The following FILIP1L variants were observed in gnomAD, a reference collection of about 807,000 sequenced individuals.
FILIP1L encodes the protein filamin A-interacting protein 1-like.
FILIP1L carries 55 observed loss-of-function variants against 96.6 expected under a neutral mutation model. The observed-to-expected ratio is 0.57, with a 90% confidence interval of 0.46 to 0.71. The LOEUF is 0.71. Ranked by LOEUF, FILIP1L falls within the 30% of genes least tolerant of loss-of-function variation. The pLI is 0.00. For synonymous variants in FILIP1L, 467 were observed against 473.9 expected, an observed-to-expected ratio of 0.99 and a Z score of 0.19; for missense variants, 1,304 against 1,321.2, an observed-to-expected ratio of 0.99 and a Z score of 0.20.
At chr3:99,847,104 C>T (rs539028903) in intron 5 of FILIP1L, among the ~76,000 whole-genome samples, 2 of 152,180 alleles carry the variant, frequency 1.3e-5, no homozygotes, top group African/African-American at 4.8e-5. Context: ...GAAATTCACA[C>T]TATATTACTT....
chr3:99,989,205 C>T (rs1709441568), intron 1 of FILIP1L, among the ~76,000 whole-genome samples: 1 of 152,112 alleles, frequency 6.6e-6, no homozygotes, highest in Non-Finnish European at 1.5e-5. Flanking sequence ...TTTAGTGAGG[C>T]TTATGACTCC....
Position 99,965,075 on chromosome 3 carries a change from G to T in FILIP1L, c.-10-34045C>A, listed in dbSNP as rs1435981489. ...ATAAAGTTTTAAAGGAAATTTACAA[G>T]TGTTATTTTCTAGTAATTACCTTGA... On this transcript the variant is annotated intron_variant, in intron 1 of 5. Coordinates refer to ENST00000477258, the MANE Select transcript of FILIP1L (RefSeq NM_001387850.1). Among the ~76,000 whole-genome samples, 3 of 152,134 alleles carry T rather than the reference G, an allele frequency of 2.0e-5. No homozygotes were observed. In the East Asian group the frequency reaches 5.8e-4, roughly 29 times the overall value.
At chr3:99,909,947 C>T (rs1706741485) in intron 4 of FILIP1L, among the ~76,000 whole-genome samples, 1 of 83,308 alleles carries the variant, frequency 1.2e-5, no homozygotes. Flanking sequence ...GTCATCTGAC[C>T]AAAATGAGTG....
intron 4 of FILIP1L, among the ~76,000 whole-genome samples, chr3:99,904,315 T>A (rs1460645949): frequency 1.3e-5 from 2 of 152,228 alleles, no homozygotes; most frequent in African/African-American, 4.8e-5. Flanking sequence ...GATCTTTCAG[T>A]AGGGAGAGAA....
rs553912978 is a variant in FILIP1L, at chr3:99,996,598, G to GA, written c.-10-65569dup. Among the ~76,000 whole-genome samples, 707 of 152,264 alleles carry GA rather than the reference G, an allele frequency of 4.6e-3. 2 individuals carry two copies. Among genetic ancestry groups the GA allele is most frequent in the South Asian group, 7.1e-3 (34 of 4,820 alleles). On this transcript the variant is annotated intron_variant, in intron 1 of 5. Coordinates refer to ENST00000477258, the MANE Select transcript of FILIP1L (RefSeq NM_001387850.1). ...ATAAAGACATACCCAAGACTGGGAA[G>GA]AAAAAGAGGTTTAATTGGACTTACA...
intron 1 of FILIP1L, among the ~76,000 whole-genome samples, chr3:99,956,741 A>G (rs1377772740): frequency 1.3e-5 from 2 of 152,022 alleles, no homozygotes; most frequent in East Asian, 3.9e-4. Context: ...CTTTCTCACT[A>G]TTGGTTCTTT....
chr3:100,090,901 T>C (rs2066092018), intron 1 of FILIP1L, among the ~76,000 whole-genome samples: 1 of 152,148 alleles, frequency 6.6e-6, no homozygotes, highest in African/African-American at 2.4e-5. Context: ...TTAAGAAAAC[T>C]TGAAATGAGT....
chr3:100,104,624 A>G (rs1197358162), intron 1 of FILIP1L, among the ~76,000 whole-genome samples: 1 of 152,216 alleles, frequency 6.6e-6, no homozygotes, highest in African/African-American at 2.4e-5. Flanking sequence ...TTGCATGCCC[A>G]GGAATCTAAA....
At chr3:99,984,606 C>T (rs960170041) in intron 1 of FILIP1L, among the ~76,000 whole-genome samples, 8 of 152,176 alleles carry the variant, frequency 5.3e-5, no homozygotes, top group Non-Finnish European at 1.0e-4. Flanking sequence ...CCAAAATTTC[C>T]CCCTTCAAGT....
At chr3:100,047,490 T>C (rs1428662084) in intron 1 of FILIP1L, among the ~76,000 whole-genome samples, 3 of 152,230 alleles carry the variant, frequency 2.0e-5, no homozygotes, top group Non-Finnish European at 4.4e-5. Flanking sequence ...ACCATTATTA[T>C]TCATAACCTC....
At chr3:99,895,563 A>G (rs1028475666) in intron 4 of FILIP1L, among the ~76,000 whole-genome samples, 3 of 152,188 alleles carry the variant, frequency 2.0e-5, no homozygotes, top group African/African-American at 4.8e-5. Context: ...TTAGTTCACA[A>G]TAGCATAACT....
intron 1 of FILIP1L, among the ~76,000 whole-genome samples, chr3:100,017,564 C>G (rs1710380718): frequency 6.6e-6 from 1 of 152,184 alleles, no homozygotes; most frequent in Admixed American, 6.5e-5. Flanking sequence ...CTGTCAGCAA[C>G]ATGTATCCTG....
chr3:100,052,642 G>A (rs967382242), intron 1 of FILIP1L, among the ~76,000 whole-genome samples: 3 of 152,200 alleles, frequency 2.0e-5, no homozygotes, highest in African/African-American at 7.2e-5. Flanking sequence ...TATTAACACT[G>A]AGAATCCATG....
In FILIP1L at chr3:100,040,130, A is replaced by T. The variant is rs577810870; in HGVS notation, c.-11+73923T>A. The T allele has an allele frequency of 2.5e-3, 375 of 151,392 alleles. 4 individuals are homozygous for T. The highest frequency in any genetic ancestry group is 8.6e-3 in the African/African-American group (356 of 41,278). 9.4% of individuals were successfully genotyped at this position (151,392 alleles called of 1,614,324 possible). Reference sequence around the variant, plus strand: ...ATGAATCAATCCAAGCTGTCTGAATATTTTTTTTTCTTCCTGCACCCACAA... The same window carrying T: ...ATGAATCAATCCAAGCTGTCTGAATTTTTTTTTTTCTTCCTGCACCCACAA... On this transcript the variant is annotated intron_variant, in intron 1 of 5. Coordinates refer to ENST00000477258, the MANE Select transcript of FILIP1L (RefSeq NM_001387850.1).
At chr3:99,889,330 A>G (rs1008734814) in intron 4 of FILIP1L, among the ~76,000 whole-genome samples, 10 of 152,106 alleles carry the variant, frequency 6.6e-5, no homozygotes, top group African/African-American at 2.4e-4. Flanking sequence ...ATATTATATA[A>G]TAACCCTTTA....
At chr3:100,106,263 C>G (rs1443909541) in intron 1 of FILIP1L, among the ~76,000 whole-genome samples, 1 of 152,144 alleles carries the variant, frequency 6.6e-6, no homozygotes, top group Admixed American at 6.5e-5. Context: ...GTGGAATACT[C>G]TCCAGGGATT....
chr3:99,840,074 C>T (rs555123258), intron 5 of FILIP1L, among the ~76,000 whole-genome samples: 166 of 152,148 alleles, frequency 1.1e-3, no homozygotes, highest in African/African-American at 3.8e-3. Flanking sequence ...CAGGGATGCT[C>T]CTAAACATTA....
At chr3:100,028,327 C>G (rs1337696880) in intron 1 of FILIP1L, among the ~76,000 whole-genome samples, 1 of 152,134 alleles carries the variant, frequency 6.6e-6, no homozygotes, top group Non-Finnish European at 1.5e-5. Flanking sequence ...TTACTTAGCC[C>G]TTAACCTTTA....
intron 4 of FILIP1L, among the ~76,000 whole-genome samples, chr3:99,884,220 G>A (rs1489370945): frequency 6.6e-6 from 1 of 152,090 alleles, no homozygotes; most frequent in Non-Finnish European, 1.5e-5. Context: ...AAATGTTTCT[G>A]CTTCATATAA....
Sources: allele counts gnomAD v4.1 joint callset (sites outside exome capture counted in the v4.1 genomes callset), GRCh38; gene constraint gnomAD v4.1.1; transcripts MANE v1.5; gene names NCBI Gene and HGNC (gene_info 2026-07-23, HGNC 2026-07-21).